Variants in CPNE8 observed in about 807,000 individuals in gnomAD.
The protein encoded by CPNE8 is copine-8.
In CPNE8, 45 loss-of-function variants were observed where a neutral mutation model predicts 81.5. That is an observed-to-expected ratio of 0.55 (90% confidence interval 0.44 to 0.71). The LOEUF is 0.71. CPNE8 is among the 30% of genes least tolerant of loss of function. CPNE8 has a pLI of 0.00. For missense variants in CPNE8, 594 were observed against 672.1 expected (o/e 0.88, Z 1.28); for synonymous variants, 252 against 226.3 (o/e 1.11, Z -1.02).
chr12:38,716,954 T>C (rs1327457178), intron 13 of CPNE8, among the ~76,000 whole-genome samples: 2 of 151,402 alleles, frequency 1.3e-5, no homozygotes, highest in African/African-American at 4.8e-5. Context: ...AAAAAAACAA[T>C]GACCCCATCA....
At chr12:38,704,340 C>T (rs534886429) in intron 13 of CPNE8, among the ~76,000 whole-genome samples, 3 of 152,108 alleles carry the variant, frequency 2.0e-5, no homozygotes, top group African/African-American at 7.2e-5. Flanking sequence ...CCATTGCTTA[C>T]AGCATTTCTC....
intron 6 of CPNE8, among the ~76,000 whole-genome samples, chr12:38,810,202 T>C (rs534822855): frequency 3.0e-4 from 46 of 152,284 alleles, no homozygotes; most frequent in Non-Finnish European, 5.1e-4. Flanking sequence ...TCAAGATCTT[T>C]ATGGGTCTCC....
At chr12:38,834,802 C>A (rs1275707811) in intron 5 of CPNE8, among the ~76,000 whole-genome samples, 2 of 152,074 alleles carry the variant, frequency 1.3e-5, no homozygotes, top group Non-Finnish European at 2.9e-5. Context: ...TGTTTCCGAA[C>A]TATTTCAGTA....
chr12:38,867,278 AAGTC>A (rs1943927934), intron 3 of CPNE8, among the ~76,000 whole-genome samples: 1 of 150,940 alleles, frequency 6.6e-6, no homozygotes. Flanking sequence ...GTTTACAAAA[AAGTC>A]CTTGATGTTT....
At chr12:38,785,300 C>A (rs1942155917) in intron 6 of CPNE8, among the ~76,000 whole-genome samples, 1 of 151,412 alleles carries the variant, frequency 6.6e-6, no homozygotes, top group East Asian at 1.9e-4. Context: ...AACACTATAA[C>A]TGTGTAACTG....
intron 15 of CPNE8, among the ~76,000 whole-genome samples, chr12:38,692,328 G>A (rs750023661): frequency 5.3e-5 from 8 of 151,644 alleles, no homozygotes; most frequent in Non-Finnish European, 1.0e-4. Context: ...AAAAAAAAAA[G>A]TAAGGCACAA....
chr12:38,758,844 G>A (rs1044855551), intron 10 of CPNE8, among the ~76,000 whole-genome samples: 2 of 152,234 alleles, frequency 1.3e-5, no homozygotes, highest in African/African-American at 4.8e-5. Flanking sequence ...TTGTGGCTCA[G>A]AAATAGATTG....
rs549739541 is a variant in CPNE8 at position 38,785,296 on chromosome 12, A to G, written c.408-8995T>C. On this transcript the variant is annotated intron_variant, in intron 6 of 19. Transcript: ENST00000331366. ...CAAGTACACAGAATATTATAACACTATAACTGTGTAACTGTGGTGTGTAAA... is the reference window on the plus strand; with the variant it reads ...CAAGTACACAGAATATTATAACACTGTAACTGTGTAACTGTGGTGTGTAAA... Among the ~76,000 whole-genome samples, 9 of 152,164 alleles carry G rather than the reference A, an allele frequency of 5.9e-5. No individual in the cohort carries two copies. In the South Asian group the frequency reaches 6.2e-4, roughly 10 times the overall value.
Position 38,744,302 on chromosome 12 carries a change from T to G in CPNE8, c.723-13944A>C, listed in dbSNP as rs375370779. Among the ~76,000 whole-genome samples, 95 of 152,328 alleles carry G rather than the reference T, an allele frequency of 6.2e-4. 1 individual carries two copies. The South Asian group carries it at 0.019, about 31-fold the overall frequency. On this transcript the variant is annotated intron_variant, in intron 10 of 19. Coordinates refer to ENST00000331366, the MANE Select transcript of CPNE8 (RefSeq NM_153634.3). ...ATGAGGTAATCACGAATTCCAGTAT[T>G]GTCTGGATTGTAACTATCTGCTAAG...
At chr12:38,814,873 G>A (rs1260462125) in intron 6 of CPNE8, among the ~76,000 whole-genome samples, 1 of 151,604 alleles carries the variant, frequency 6.6e-6, no homozygotes, top group African/African-American at 2.4e-5. Flanking sequence ...GGTTCATCAT[G>A]GACCCCATTG....
chr12:38,718,531 G>T (rs756677519), intron 13 of CPNE8, among the ~76,000 whole-genome samples: 1 of 152,072 alleles, frequency 6.6e-6, no homozygotes, highest in Non-Finnish European at 1.5e-5. Context: ...TAGTGAAAAT[G>T]AAAAAGGAGG....
At chr12:38,814,029 G>A (rs889714962) in intron 6 of CPNE8, among the ~76,000 whole-genome samples, 3 of 152,154 alleles carry the variant, frequency 2.0e-5, no homozygotes, top group Non-Finnish European at 2.9e-5. Flanking sequence ...AGTAGTAGCT[G>A]AGTAGTTGTA....
chr12:38,762,081 TGAA>T, intron 9 of CPNE8, 28 bp downstream of exon 9: 1 of 1,124,064 alleles, frequency 8.9e-7, no homozygotes, highest in Non-Finnish European at 1.2e-6. Flanking sequence ...AAAAGTTATT[TGAA>T]GATTTTTGAA....
intron 1 of CPNE8, among the ~76,000 whole-genome samples, chr12:38,894,887 T>C (rs1449953492): frequency 1.3e-5 from 2 of 152,070 alleles, no homozygotes; most frequent in Non-Finnish European, 2.9e-5. Flanking sequence ...CTCAGAGTTA[T>C]AGGAGATGGA....
intron 6 of CPNE8, among the ~76,000 whole-genome samples, chr12:38,777,779 G>A (rs888430058): frequency 6.6e-6 from 1 of 152,154 alleles, no homozygotes; most frequent in Non-Finnish European, 1.5e-5. Flanking sequence ...TAGACCAGGG[G>A]TCTGCAACCC....
At chr12:38,704,826 G>GTATATATATGTGTATGTATA (rs58878926) in intron 13 of CPNE8, among the ~76,000 whole-genome samples, 1 of 50,200 alleles carries the variant, frequency 2.0e-5, no homozygotes, top group Non-Finnish European at 5.5e-5. Context: ...GTATGTATGT[G>GTATATATATGTGTATGTATA]TATATATATA....
rs1944147398 is a variant in CPNE8, at chr12:38,881,040, C to T, written c.99-6529G>A. Among the ~76,000 whole-genome samples, 3 of 151,402 alleles carry T rather than the reference C, an allele frequency of 2.0e-5. No homozygotes were observed. The South Asian group carries it at 6.3e-4, about 32-fold the overall frequency. On this transcript the variant is annotated intron_variant, in intron 1 of 19. Coordinates refer to ENST00000331366, the MANE Select transcript of CPNE8 (RefSeq NM_153634.3). ...CCTAGCTAACACGGTGAAACCCCGT[C>T]TCTACTAAAAATACAAAAAATTAGC... is the stretch of plus-strand genomic sequence containing the variant.
At chr12:38,813,871 G>A (rs920393746) in intron 6 of CPNE8, among the ~76,000 whole-genome samples, 2 of 152,202 alleles carry the variant, frequency 1.3e-5, no homozygotes, top group Non-Finnish European at 2.9e-5. Context: ...AGGAAGAGGA[G>A]ATTCAAGGAA....
Position 38,764,849 on chromosome 12 carries a change from G to C in CPNE8, c.576-2633C>G, listed in dbSNP as rs923578214. 7.2e-5 allele frequency among the ~76,000 whole-genome samples: 11 copies of C among 152,002 alleles called. 1 individual carries two copies. In the East Asian group the frequency reaches 2.1e-3, roughly 29 times the overall value. On this transcript the variant is annotated intron_variant, in intron 8 of 19. Transcript: ENST00000331366. ...CAGATAGCTAAATAGATGATATCTA[G>C]ATAGATGACAGGAAGAGAGAGAGAG...
Sources: gnomAD v4.1 joint callset for allele counts (sites outside exome capture counted in the v4.1 genomes callset) on GRCh38, gnomAD v4.1.1 for gene constraint, MANE v1.5 for transcripts, NCBI Gene and HGNC (gene_info 2026-07-23, HGNC 2026-07-21) for gene names.